BTBD9: variants seen among roughly 807,000 people sequenced by gnomAD.
BTBD9 encodes the protein BTB domain containing 9, also known as BTB/POZ domain-containing protein 9.
BTBD9 carries 49 observed loss-of-function variants against 64.3 expected under a neutral mutation model. The observed-to-expected ratio is 0.76, with a 90% CI of 0.61 to 0.97. The LOEUF (loss-of-function observed/expected upper bound fraction) is 0.97. Ranked by LOEUF, BTBD9 falls within the 50% of genes least tolerant of loss-of-function variation. The pLI is 0.00. For missense variants in BTBD9, 598 were observed against 762.1 expected (o/e 0.78, Z 2.53); for synonymous variants, 260 against 274.7 (o/e 0.95, Z 0.53).
At chr6:38,272,002 G>A (rs752246652) in intron 8 of BTBD9, among the ~76,000 whole-genome samples, 5 of 152,040 alleles carry the variant, frequency 3.3e-5, no homozygotes, top group Non-Finnish European at 7.4e-5. Context: ...AGCAGCAGCA[G>A]CAGCTCCAAT....
chr6:38,496,354 G>T (rs544672557), intron 6 of BTBD9, among the ~76,000 whole-genome samples: 1 of 152,198 alleles, frequency 6.6e-6, no homozygotes, highest in East Asian at 1.9e-4. Flanking sequence ...TTCTAAAGAT[G>T]CAAATCAGCC....
chr6:38,607,050 G>T (rs185639286), intron 1 of BTBD9, among the ~76,000 whole-genome samples: 118 of 152,276 alleles, frequency 7.7e-4, no homozygotes, highest in African/African-American at 2.6e-3. Context: ...GGTAAAATAT[G>T]CAAGGGTGAT....
At chr6:38,181,515 G>A (rs944957785) in intron 10 of BTBD9, among the ~76,000 whole-genome samples, 2 of 152,210 alleles carry the variant, frequency 1.3e-5, no homozygotes, top group African/African-American at 2.4e-5. Flanking sequence ...AGATCCTGAC[G>A]ATGGTCACCA....
Position 38,442,484 on chromosome 6 carries a change from C to CTA in BTBD9, c.1155-97393_1155-97392dup, listed in dbSNP as rs138776105. Among the ~76,000 whole-genome samples the CTA allele has an allele frequency of 6.8e-3, 1,032 of 151,528 alleles. 7 individuals are homozygous for CTA. The highest frequency in any genetic ancestry group is 0.024 in the African/African-American group (975 of 41,250). ...GACTTCATCTCAAAAAAAAGTCGTA[C>CTA]TATATATATATTTAAAATAAAAACA... is the stretch of plus-strand genomic sequence containing the variant. On this transcript the variant is annotated intron_variant, in intron 6 of 10. Coordinates refer to ENST00000481247, the MANE Select transcript of BTBD9 (RefSeq NM_001099272.2).
chr6:38,282,581 C>T (rs1030597876), intron 8 of BTBD9, among the ~76,000 whole-genome samples: 1 of 152,076 alleles, frequency 6.6e-6, no homozygotes, highest in African/African-American at 2.4e-5. Flanking sequence ...GTGGTGGTGG[C>T]GGGGTGGGAT....
At chr6:38,424,113 C>T (rs1467970975) in intron 6 of BTBD9, among the ~76,000 whole-genome samples, 1 of 152,006 alleles carries the variant, frequency 6.6e-6, no homozygotes. Flanking sequence ...ATTTTATACT[C>T]ATTCATTGAC....
intron 10 of BTBD9, among the ~76,000 whole-genome samples, chr6:38,178,466 G>A (rs1761383864): frequency 6.6e-6 from 1 of 152,168 alleles, no homozygotes; most frequent in South Asian, 2.1e-4. Flanking sequence ...CGAGGTCCCA[G>A]CTGCCCTCAG....
In BTBD9 at chr6:38,583,744, T is replaced by G. The variant is rs529017754; in HGVS notation, c.815-3307A>C. ...GTTTATTTCAAGGGTACTTGAAAAC[T>G]TTCCTAACCATTCTTGATACAGACA... On this transcript the variant is annotated intron_variant, in intron 4 of 10. Coordinates refer to ENST00000481247, the MANE Select transcript of BTBD9 (RefSeq NM_001099272.2). 3.3e-5 allele frequency among the ~76,000 whole-genome samples: 5 copies of G among 152,314 alleles called. No individual in the cohort carries two copies. In the East Asian group the frequency reaches 9.6e-4, roughly 29 times the overall value.
intron 6 of BTBD9, among the ~76,000 whole-genome samples, chr6:38,530,366 C>T (rs1773736138): frequency 6.6e-6 from 1 of 152,136 alleles, no homozygotes; most frequent in Non-Finnish European, 1.5e-5. Flanking sequence ...CTGCTTTCTG[C>T]CCTTTGAAGC....
chr6:38,488,531 T>A (rs1303516636), intron 6 of BTBD9, among the ~76,000 whole-genome samples: 2 of 152,268 alleles, frequency 1.3e-5, no homozygotes, highest in East Asian at 3.9e-4. Context: ...CATAGCACAG[T>A]CCTGTCTCCG....
intron 6 of BTBD9, among the ~76,000 whole-genome samples, chr6:38,394,660 AG>A (rs35095110): frequency 0.37 from 56,221 of 151,058 alleles, 12,782 homozygotes; most frequent in East Asian, 0.84. Context: ...TTTCAAGTCT[AG>A]GGGGGAAAAA....
Position 38,258,890 on chromosome 6 carries a change from AAAAAAAC to A in BTBD9, c.1455-2381_1455-2375del, listed in dbSNP as rs529267343. Among the ~76,000 whole-genome samples the A allele has an allele frequency of 1.9e-4, 29 of 152,288 alleles. No homozygotes were observed. The East Asian group carries it at 2.1e-3, about 11-fold the overall frequency. On this transcript the variant is annotated intron_variant, in intron 8 of 10. Transcript: ENST00000481247. ...AGGCCACAGCGCGAGATTCTGTCTC[AAAAAAAC>A]AAAAAACAAAAAACAATCAATAATA... is the stretch of plus-strand genomic sequence containing the variant.
At chr6:38,487,571 G>A (rs1771504400) in intron 6 of BTBD9, among the ~76,000 whole-genome samples, 1 of 140,502 alleles carries the variant, frequency 7.1e-6, no homozygotes, top group South Asian at 2.4e-4. Context: ...GACAGAGCGA[G>A]AGAGACAGAG....
chr6:38,419,688 T>C (rs1448623442), intron 6 of BTBD9, among the ~76,000 whole-genome samples: 1 of 152,040 alleles, frequency 6.6e-6, no homozygotes, highest in Admixed American at 6.5e-5. Flanking sequence ...CTGACCAACA[T>C]GGAGAAACCC....
chr6:38,301,452 T>C (rs1035342415), intron 7 of BTBD9, among the ~76,000 whole-genome samples: 2 of 152,222 alleles, frequency 1.3e-5, no homozygotes, highest in African/African-American at 4.8e-5. Context: ...CTCCTCCTTG[T>C]ACCTCTGGTA....
intron 1 of BTBD9, among the ~76,000 whole-genome samples, chr6:38,625,091 T>G (rs1286744576): frequency 1.3e-5 from 2 of 151,768 alleles, no homozygotes; most frequent in Non-Finnish European, 2.9e-5. Context: ...TTCTTGAAAT[T>G]AATTCTCACA....
At chr6:38,377,673 G>A (rs1184306565) in intron 6 of BTBD9, among the ~76,000 whole-genome samples, 1 of 151,860 alleles carries the variant, frequency 6.6e-6, no homozygotes, top group African/African-American at 2.4e-5. Flanking sequence ...GACTCTCCTT[G>A]GAATTCCCAG....
intron 6 of BTBD9, among the ~76,000 whole-genome samples, chr6:38,559,892 T>C (rs768602617): frequency 1.1e-4 from 16 of 152,168 alleles, no homozygotes; most frequent in Non-Finnish European, 2.2e-4. Flanking sequence ...AAAATGAAAC[T>C]GGACCTCTCC....
intron 6 of BTBD9, among the ~76,000 whole-genome samples, chr6:38,487,827 T>C (rs1212146421): frequency 6.6e-6 from 1 of 152,210 alleles, no homozygotes; most frequent in East Asian, 1.9e-4. Flanking sequence ...AAATAAATTT[T>C]ATATTTTTAA....
Sources: gnomAD v4.1 joint callset for allele counts (sites outside exome capture counted in the v4.1 genomes callset) on GRCh38, gnomAD v4.1.1 for gene constraint, MANE v1.5 for transcripts, NCBI Gene and HGNC (gene_info 2026-07-23, HGNC 2026-07-21) for gene names.